The following CHP1 variants were observed in gnomAD, a reference collection of about 807,000 sequenced individuals.
CHP1 encodes the protein calcineurin like EF-hand protein 1.
A neutral mutation model predicts 27.4 loss-of-function variants in CHP1; 11 were observed. That is an observed-to-expected ratio of 0.40 (90% CI 0.25 to 0.67). CHP1 has a LOEUF of 0.67. CHP1 is among the 30% of genes least tolerant of loss of function. CHP1 has a pLI of 0.38. For missense variants in CHP1, 169 were observed against 251.3 expected (o/e 0.67, Z 2.22); for synonymous variants, 89 against 87.4 (o/e 1.02, Z -0.10).
At chr15:41,245,576 A>G (rs2047330630) in intron 2 of CHP1, among the ~76,000 whole-genome samples, 1 of 152,252 alleles carries the variant, frequency 6.6e-6, no homozygotes, top group Non-Finnish European at 1.5e-5. Context: ...TTATGGCTGA[A>G]TAAATAGTCT....
At chr15:41,236,442 T>G (rs796205808) in intron 1 of CHP1, among the ~76,000 whole-genome samples, 10 of 151,976 alleles carry the variant, frequency 6.6e-5, no homozygotes, top group African/African-American at 2.4e-4. Context: ...TTTAATTTTT[T>G]GTAGAGATAG....
intron 2 of CHP1, among the ~76,000 whole-genome samples, chr15:41,249,339 G>C (rs1177807594): frequency 1.3e-5 from 2 of 151,872 alleles, no homozygotes; most frequent in Non-Finnish European, 2.9e-5. Context: ...TTTTTGTAGA[G>C]AGGAGGTCTC....
intron 4 of CHP1, among the ~76,000 whole-genome samples, chr15:41,269,345 A>C (rs2047477587): frequency 6.6e-6 from 1 of 152,190 alleles, no homozygotes; most frequent in East Asian, 1.9e-4. Context: ...TTAGATTTTA[A>C]AATTACTTTT....
chr15:41,249,274 C>T (rs944901530), intron 2 of CHP1, among the ~76,000 whole-genome samples: 8 of 151,886 alleles, frequency 5.3e-5, no homozygotes, highest in Non-Finnish European at 8.8e-5. Flanking sequence ...CCCACCTCAG[C>T]CTCCTGAGTA....
At chr15:41,254,004 G>A (rs1176071451) in intron 2 of CHP1, among the ~76,000 whole-genome samples, 1 of 151,398 alleles carries the variant, frequency 6.6e-6, no homozygotes, top group East Asian at 1.9e-4. Context: ...CTGTTGCCCA[G>A]GCTGGTCTCG....
intron 2 of CHP1, among the ~76,000 whole-genome samples, chr15:41,247,984 T>TAAATA (rs906604667): frequency 7.2e-6 from 1 of 138,058 alleles, no homozygotes; most frequent in Non-Finnish European, 1.6e-5. Context: ...AAAAAATAAA[T>TAAATA]AAATAAAATA....
intron 2 of CHP1, among the ~76,000 whole-genome samples, chr15:41,253,000 G>A (rs998021057): frequency 1.6e-5 from 2 of 123,942 alleles, no homozygotes; most frequent in African/African-American, 6.0e-5. Context: ...GTGCAGTGGC[G>A]CAATCTTGGC....
chr15:41,271,542 G>A (rs1245951706), intron 5 of CHP1, among the ~76,000 whole-genome samples: 1 of 152,196 alleles, frequency 6.6e-6, no homozygotes, highest in East Asian at 1.9e-4. Context: ...TGGCAGCCAG[G>A]TAATTCTGAT....
intron 5 of CHP1, among the ~76,000 whole-genome samples, chr15:41,272,950 G>A (rs1302299896): frequency 1.3e-5 from 2 of 151,842 alleles, no homozygotes; most frequent in African/African-American, 2.4e-5. Context: ...CCAGTTACTC[G>A]GGAGGCTGAG....
chr15:41,275,103 T>A (rs1299738265), intron 5 of CHP1, among the ~76,000 whole-genome samples: 1 of 151,980 alleles, frequency 6.6e-6, no homozygotes, highest in Non-Finnish European at 1.5e-5. Flanking sequence ...TCTCTTTTTA[T>A]TAATTCTTCT....
At chr15:41,264,665 G>A (rs2047451454) in intron 4 of CHP1, among the ~76,000 whole-genome samples, 3 of 152,072 alleles carry the variant, frequency 2.0e-5, no homozygotes, top group Admixed American at 1.3e-4. Flanking sequence ...GACTGGTCTC[G>A]AAATCTTGGA....
chr15:41,244,217 C>T (rs939052798), intron 2 of CHP1, among the ~76,000 whole-genome samples: 4 of 149,678 alleles, frequency 2.7e-5, no homozygotes, highest in African/African-American at 4.9e-5. Context: ...AAAAAAACAG[C>T]GGAACTATGA....
At chr15:41,265,363 C>CAAAAA (rs544658200) in intron 4 of CHP1, among the ~76,000 whole-genome samples, 12 of 36,922 alleles carry the variant, frequency 3.3e-4, no homozygotes, top group African/African-American at 4.6e-4. Context: ...GACTCTGTCT[C>CAAAAA]AAAAAAAAAA....
chr15:41,243,717 A>G lies in CHP1; in HGVS notation c.118A>G (p.Lys40Glu). Reference protein sequence around the residue: ...RLYSRFTSLDKGENGTLSRED... With the variant: ...RLYSRFTSLDEGENGTLSRED... ...CTACAGCCGGTTCACCAGCCTGGAC[A>G]AAGGAGAGAATGGGACTCTCAGGTA... The change falls in exon 2 of 7, where the codon AAA becomes GAA. Residue 40 changes from lysine (K) to glutamate (E), a missense_variant. Lys to Glu is a moderately conservative substitution (Grantham distance 56). Transcript: ENST00000334660. The G allele has an allele frequency of 6.2e-7, 1 of 1,614,106 alleles. No individual in the cohort carries two copies. Among genetic ancestry groups the G allele is most frequent in the Non-Finnish European group, 8.5e-7 (1 of 1,179,980 alleles).
chr15:41,256,757 T>C, intron 2 of CHP1, 153 bp from the exon 3 acceptor site: 1 of 668,846 alleles, frequency 1.5e-6, no homozygotes, highest in South Asian at 1.7e-5. Context: ...GCTATTAAAG[T>C]GCTATTCTTT....
At chr15:41,257,011 G>C (rs368083866) in intron 3 of CHP1, 21 bp downstream of exon 3, 4 of 1,586,960 alleles carry the variant, frequency 2.5e-6, no homozygotes, top group African/African-American at 2.7e-5. Flanking sequence ...ACAGTTGTTG[G>C]ACTTCCTTCC....
intron 1 of CHP1, among the ~76,000 whole-genome samples, chr15:41,242,397 G>A (rs1218039824): frequency 2.6e-5 from 4 of 152,068 alleles, no homozygotes; most frequent in South Asian, 2.1e-4. Context: ...CTACCTAGCC[G>A]TACACCTACC....
chr15:41,262,500 T>C (rs960624216), intron 3 of CHP1, among the ~76,000 whole-genome samples: 2 of 152,208 alleles, frequency 1.3e-5, no homozygotes, highest in African/African-American at 2.4e-5. Context: ...TAGATAACTT[T>C]ATCCCTGGTA....
chr15:41,262,682 G>A, intron 3 of CHP1, 74 bp from the exon 4 acceptor site: 1 of 1,574,532 alleles, frequency 6.4e-7, no homozygotes, highest in South Asian at 1.1e-5. Flanking sequence ...TAAAGCTGTT[G>A]CCAGTATATT....
Sources: gnomAD v4.1 joint callset for allele counts (sites outside exome capture counted in the v4.1 genomes callset) on GRCh38, gnomAD v4.1.1 for gene constraint, MANE v1.5 for transcripts, NCBI Gene and HGNC (gene_info 2026-07-23, HGNC 2026-07-21) for gene names.